The following HECTD4 variants were observed in gnomAD, a reference collection of about 807,000 sequenced individuals.
The protein encoded by HECTD4 is HECT domain E3 ubiquitin protein ligase 4, also known as probable E3 ubiquitin-protein ligase HECTD4.
Under a neutral mutation model 471.5 loss-of-function variants are expected in HECTD4, and 114 were observed. The observed-to-expected ratio is 0.24, with a 90% CI of 0.21 to 0.28. The LOEUF (loss-of-function observed/expected upper bound fraction) is 0.28. HECTD4 is among the 10% of genes least tolerant of loss of function. HECTD4 has a pLI of 1.00. For synonymous variants in HECTD4, 2,012 were observed against 2,256.0 expected (o/e 0.89, Z 3.07); for missense variants, 3,866 against 5,651.5 (o/e 0.68, Z 10.13).
At chr12:112,219,052 A>T (rs144258659) in intron 45 of HECTD4, among the ~76,000 whole-genome samples, 1 of 151,866 alleles carries the variant, frequency 6.6e-6, no homozygotes, top group East Asian at 1.9e-4. Context: ...TTTTTTAATT[A>T]CTCACTTATG....
intron 59 of HECTD4, among the ~76,000 whole-genome samples, chr12:112,192,063 GA>G (rs1490994297): frequency 6.6e-6 from 1 of 152,222 alleles, no homozygotes; most frequent in Admixed American, 6.5e-5. Flanking sequence ...TGTGGAGGCA[GA>G]GCCCTCATCT....
In HECTD4 at chr12:112,291,560, AC is replaced by A. The variant is rs376295968; in HGVS notation, c.1336-8259del. On this transcript the variant is annotated intron_variant, in intron 7 of 75. Coordinates refer to ENST00000682272, the MANE Select transcript of HECTD4 (RefSeq NM_001388303.1). ...AGGCCAACCTGGGCAACATAGTGAG[AC>A]CCCCCCATCTTTAAAAAAAAAGAAA... Among the ~76,000 whole-genome samples, 293 of 151,478 alleles carry A rather than the reference AC, an allele frequency of 1.9e-3. 2 individuals carry two copies. Among genetic ancestry groups the A allele is most frequent in the African/African-American group, 6.7e-3 (278 of 41,244 alleles).
chr12:112,331,763 T>C (rs1230825743), intron 1 of HECTD4, among the ~76,000 whole-genome samples: 2 of 152,168 alleles, frequency 1.3e-5, no homozygotes, highest in South Asian at 4.1e-4. Flanking sequence ...TAAGCGAGGT[T>C]TGAGTTAAAC....
intron 1 of HECTD4, among the ~76,000 whole-genome samples, chr12:112,352,652 G>C (rs368777162): frequency 8.2e-4 from 125 of 151,728 alleles, no homozygotes; most frequent in African/African-American, 3.0e-3. Flanking sequence ...TGTTGCCCAG[G>C]CTGAAGTACG....
intron 55 of HECTD4, among the ~76,000 whole-genome samples, chr12:112,198,337 C>A (rs1259158633): frequency 6.6e-6 from 1 of 152,264 alleles, no homozygotes; most frequent in African/African-American, 2.4e-5. Context: ...TCTGGGCCAT[C>A]CCTAAGGAAG....
chr12:112,217,981 TTTA>T (rs1451504461), intron 45 of HECTD4, among the ~76,000 whole-genome samples: 2 of 151,980 alleles, frequency 1.3e-5, no homozygotes, highest in Non-Finnish European at 2.9e-5. Context: ...TTTTAAAAAA[TTTA>T]TTATTATTTT....
At chr12:112,264,557 T>C (rs1319440992) in intron 16 of HECTD4, among the ~76,000 whole-genome samples, 2 of 152,084 alleles carry the variant, frequency 1.3e-5, no homozygotes, top group East Asian at 3.9e-4. Context: ...TTGGTCTCTA[T>C]AAAACACTCA....
At chr12:112,280,223 T>A (rs1241522059) in intron 8 of HECTD4, among the ~76,000 whole-genome samples, 1 of 152,226 alleles carries the variant, frequency 6.6e-6, no homozygotes, top group Admixed American at 6.5e-5. Flanking sequence ...TAACCCCTTA[T>A]ATACATTTTT....
chr12:112,181,490 A>AC (rs2031666453), intron 62 of HECTD4, among the ~76,000 whole-genome samples: 2 of 151,824 alleles, frequency 1.3e-5, no homozygotes, highest in Admixed American at 1.3e-4. Flanking sequence ...GTTTTTTTTT[A>AC]AAGATGGGGT....
At position 112,302,395 on chromosome 12, in the gene HECTD4, A is replaced by G. The variant is rs1285370965; in HGVS notation, c.1335+3669T>C. The G allele has an allele frequency of 4.0e-6, 3 of 754,522 alleles. No individual in the cohort carries two copies. The African/African-American group carries it at 5.1e-5, about 13-fold the overall frequency. The allele number at this position is 754,522 out of a possible 1,614,324, so 46.7% of individuals were successfully genotyped here. A position where few individuals can be genotyped will look rare whatever the true frequency, so the allele number is the denominator to read the frequency against. ...TGTGGGCCAGCTTAAGCAGTTGAGT[A>G]ACTGTTTGGCAGTTCAGGGCCTGGG... On this transcript the variant is annotated intron_variant, in intron 7 of 75. Coordinates refer to ENST00000682272, the MANE Select transcript of HECTD4 (RefSeq NM_001388303.1).
chr12:112,214,549 C>T (rs888762463), intron 48 of HECTD4, among the ~76,000 whole-genome samples: 3 of 152,164 alleles, frequency 2.0e-5, no homozygotes, highest in Non-Finnish European at 4.4e-5. Flanking sequence ...AGATTGGGTT[C>T]TAATTCCTAT....
chr12:112,164,642 C>T lies in HECTD4; in HGVS notation c.12535-367G>A, dbSNP rs527298215. Among the ~76,000 whole-genome samples the T allele has an allele frequency of 2.6e-3, 384 of 150,142 alleles. 4 individuals are homozygous for T. Among genetic ancestry groups the T allele is most frequent in the African/African-American group, 8.8e-3 (359 of 40,812 alleles). ...TGCTTGCTTTTTTTTTTTTTTGAGACGGAGTTTTGCTCTTGTTGCCCAGGC... is the reference window on the plus strand; with the variant it reads ...TGCTTGCTTTTTTTTTTTTTTGAGATGGAGTTTTGCTCTTGTTGCCCAGGC... On this transcript the variant is annotated intron_variant, in intron 72 of 75. Transcript: ENST00000682272.
At chr12:112,352,495 C>T (rs2036264705) in intron 1 of HECTD4, among the ~76,000 whole-genome samples, 1 of 151,726 alleles carries the variant, frequency 6.6e-6, no homozygotes, top group African/African-American at 2.4e-5. Context: ...GCCACTACGC[C>T]CAGCTAATTT....
chr12:112,256,599 T>C (rs1490293663), intron 20 of HECTD4, 81 bp from the exon 21 acceptor site: 1 of 971,068 alleles, frequency 1.0e-6, no homozygotes, highest in Non-Finnish European at 1.4e-6. Context: ...GCTCTTTAAT[T>C]TTCCACAGCA....
At position 112,189,424 on chromosome 12, in the gene HECTD4, C is replaced by T. The variant is rs559976692; in HGVS notation, c.9472+1362G>A. On this transcript the variant is annotated intron_variant, in intron 60 of 75. Transcript: ENST00000682272. The stretch of plus-strand genomic sequence containing the variant: ...AAAATTGGCCAGGCGTGGTGGTGGG[C>T]GCCTGTGGTCCTAGCTACTCTGGAG... Among the ~76,000 whole-genome samples the T allele has an allele frequency of 1.7e-4, 25 of 150,068 alleles. No individual in the cohort carries two copies. The South Asian group carries it at 4.7e-3, about 28-fold the overall frequency.
chr12:112,163,426 G>A lies in HECTD4; in HGVS notation c.12897+116C>T, dbSNP rs1287782826. 9 of 1,060,674 alleles carry A rather than the reference G, an allele frequency of 8.5e-6. No homozygotes were observed. The East Asian group carries it at 2.4e-4, about 28-fold the overall frequency. The allele number at this position is 1,060,674 out of a possible 1,614,324, so 65.7% of individuals were successfully genotyped here. ...ATGATGACAATGATACAGGTCTGTG[G>A]CAAGGACAGAGCTGAGACAGGCCAC... is the stretch of plus-strand genomic sequence containing the variant. On this transcript the variant is annotated intron_variant, in intron 74 of 75. Coordinates refer to ENST00000682272, the MANE Select transcript of HECTD4 (RefSeq NM_001388303.1). This position sits in a 1 kb window ranked among gnomAD's most constrained non-coding sequence, Gnocchi z 8.2.
At chr12:112,195,174 T>G in intron 55 of HECTD4, 108 bp from the exon 56 acceptor site, 5 of 927,316 alleles carry the variant, frequency 5.4e-6, no homozygotes, top group Non-Finnish European at 6.4e-6. Context: ...CAGGCTTCTC[T>G]TCCAGCCTGA....
chr12:112,309,110 G>A (rs1436642459), intron 5 of HECTD4, among the ~76,000 whole-genome samples: 1 of 152,172 alleles, frequency 6.6e-6, no homozygotes, highest in East Asian at 1.9e-4. Flanking sequence ...AAAAATTTGG[G>A]GGAAAAGATC....
At chr12:112,354,633 C>T (rs2036300274) in intron 1 of HECTD4, among the ~76,000 whole-genome samples, 2 of 152,006 alleles carry the variant, frequency 1.3e-5, no homozygotes, top group African/African-American at 4.8e-5. Flanking sequence ...TTGCAGTGGG[C>T]CAAGATTGCG....
Sources: gnomAD v4.1 joint callset for allele counts (sites outside exome capture counted in the v4.1 genomes callset) on GRCh38, gnomAD v4.1.1 for gene constraint, Gnocchi (gnomAD v3.1) non-coding constraint, MANE v1.5 for transcripts, NCBI Gene and HGNC (gene_info 2026-07-23, HGNC 2026-07-21) for gene names.